Variants in INPP5A observed in about 807,000 individuals in gnomAD.
The protein encoded by INPP5A is inositol polyphosphate-5-phosphatase A, also known as 43 kDa inositol polyphosphate 5-phophatase.
In INPP5A, 14 loss-of-function variants were observed where a neutral mutation model predicts 65.2. That is an observed-to-expected ratio of 0.21 (90% CI 0.14 to 0.34). INPP5A has a LOEUF of 0.34. Ranked by LOEUF, INPP5A falls within the 10% of genes least tolerant of loss-of-function variation. The probability of loss-of-function intolerance (pLI) is 1.00; values close to 1 mark genes in which losing one functional copy is unlikely to be tolerated. For synonymous variants in INPP5A, 207 were observed against 208.3 expected, an observed-to-expected ratio of 0.99 and a Z score of 0.05; for missense variants, 431 against 545.6, an observed-to-expected ratio of 0.79 and a Z score of 2.09.
chr10:132,778,749 G>A (rs1847106327), intron 13 of INPP5A, among the ~76,000 whole-genome samples: 1 of 152,130 alleles, frequency 6.6e-6, no homozygotes, highest in African/African-American at 2.4e-5. Context: ...GCAGGGACAG[G>A]AGCCCCCTAC....
At position 132,608,292 on chromosome 10, in the gene INPP5A, G is replaced by A. The variant is rs113067974; in HGVS notation, c.117+336G>A. Among the ~76,000 whole-genome samples the A allele has an allele frequency of 3.9e-3, 590 of 152,348 alleles. 3 individuals are homozygous for A. The highest frequency in any genetic ancestry group is 0.014 in the African/African-American group (563 of 41,590). ...ATCCCCAGTGGGGCCGTGGAGAGCT[G>A]GCAGCGAGGCTGGGTGTGCTCCTCA... is the stretch of plus-strand genomic sequence containing the variant. On this transcript the variant is annotated intron_variant, in intron 2 of 15. Transcript: ENST00000368594.
intron 1 of INPP5A, among the ~76,000 whole-genome samples, chr10:132,566,646 A>ATGTATT (rs1191743151): frequency 5.9e-5 from 9 of 152,366 alleles, no homozygotes; most frequent in African/African-American, 2.2e-4. Flanking sequence ...GATGCTGAAA[A>ATGTATT]TGTATTTGTT....
At chr10:132,748,360 G>A (rs1337585026) in intron 9 of INPP5A, among the ~76,000 whole-genome samples, 1 of 152,208 alleles carries the variant, frequency 6.6e-6, no homozygotes, top group Non-Finnish European at 1.5e-5. Context: ...ATGAGCACGG[G>A]CCCTCGCTGT....
At chr10:132,682,668 A>G (rs1403706357) in intron 4 of INPP5A, among the ~76,000 whole-genome samples, 2 of 152,218 alleles carry the variant, frequency 1.3e-5, no homozygotes, top group Non-Finnish European at 2.9e-5. Flanking sequence ...CCATCTGTGT[A>G]TTATATACAT....
intron 1 of INPP5A, among the ~76,000 whole-genome samples, chr10:132,557,651 A>G (rs1380632034): frequency 6.6e-6 from 1 of 152,204 alleles, no homozygotes; most frequent in Non-Finnish European, 1.5e-5. Flanking sequence ...GATGTCTGTC[A>G]GACTTAGGGT....
At chr10:132,700,643 G>T (rs1016426790) in intron 6 of INPP5A, among the ~76,000 whole-genome samples, 2 of 152,284 alleles carry the variant, frequency 1.3e-5, no homozygotes, top group African/African-American at 4.8e-5. Context: ...CAGCCTGGCC[G>T]GGCCCGCCCC....
chr10:132,781,763 G>A (rs1829637581), intron 14 of INPP5A, 98 bp from the exon 15 acceptor site: 1 of 988,302 alleles, frequency 1.0e-6, no homozygotes, highest in Non-Finnish European at 1.6e-6. Flanking sequence ...TGGCTGCCCT[G>A]GTGAGACGCA....
At chr10:132,579,918 G>GTTT (rs35846779) in intron 1 of INPP5A, among the ~76,000 whole-genome samples, 22 of 141,730 alleles carry the variant, frequency 1.6e-4, no homozygotes, top group Non-Finnish European at 1.5e-4. Flanking sequence ...CTGTTTAAAA[G>GTTT]TTTTTTTTTT....
rs111584265 is a variant in INPP5A at position 132,727,007 on chromosome 10, C to T, written c.732+102C>T. On this transcript the variant is annotated intron_variant, in intron 9 of 15. Transcript: ENST00000368594. The surrounding 1 kb of genome is among the most constrained non-coding windows in gnomAD (Gnocchi z 6.5). ...CCTTACTGGCACTTTCAATGCCATC[C>T]GCCTCCCGGGATGCACTTTTTAAGG... 5,022 of 707,854 alleles carry T rather than the reference C, an allele frequency of 7.1e-3. 172 individuals are homozygous for T. In the African/African-American group the frequency reaches 0.078, roughly 11 times the overall value. The allele number at this position is 707,854 out of a possible 1,614,324, so 43.8% of individuals were successfully genotyped here.
At chr10:132,692,484 A>G (rs546257025) in intron 5 of INPP5A, among the ~76,000 whole-genome samples, 13 of 152,334 alleles carry the variant, frequency 8.5e-5, no homozygotes, top group African/African-American at 3.1e-4. Context: ...AGTCAACCCC[A>G]GGCCACCTTG....
chr10:132,661,659 T>G (rs1310199386), intron 4 of INPP5A, among the ~76,000 whole-genome samples: 1 of 150,774 alleles, frequency 6.6e-6, no homozygotes, highest in Admixed American at 6.6e-5. Flanking sequence ...TGAGCAGACT[T>G]TTTTTTTTGG....
At position 132,551,080 on chromosome 10, in the gene INPP5A, C is replaced by A. The variant is rs983969268; in HGVS notation, c.75+12909C>A. On this transcript the variant is annotated intron_variant, in intron 1 of 15. Coordinates refer to ENST00000368594, the MANE Select transcript of INPP5A (RefSeq NM_005539.5). The surrounding 1 kb of genome is among the most constrained non-coding windows in gnomAD (Gnocchi z 5.3). Reference sequence around the variant, plus strand: ...TGCTTGGTCCAGGTTCCTGCCTGAGCCCACTGAGCAGATGATGGGGATGAG... The same window carrying A: ...TGCTTGGTCCAGGTTCCTGCCTGAGACCACTGAGCAGATGATGGGGATGAG... Among the ~76,000 whole-genome samples the A allele has an allele frequency of 2.6e-5, 4 of 152,214 alleles. No homozygotes were observed. Among genetic ancestry groups the A allele is most frequent in the Non-Finnish European group, 4.4e-5 (3 of 68,042 alleles).
chr10:132,548,391 C>T (rs894174582), intron 1 of INPP5A, among the ~76,000 whole-genome samples: 12 of 152,250 alleles, frequency 7.9e-5, no homozygotes, highest in Non-Finnish European at 1.3e-4. Context: ...TGCCCGTTGC[C>T]GGTGGCCCGG....
chr10:132,624,964 C>A (rs1305792442), intron 2 of INPP5A, among the ~76,000 whole-genome samples: 4 of 152,150 alleles, frequency 2.6e-5, no homozygotes, highest in Admixed American at 2.0e-4. Context: ...TCAGAGGCTC[C>A]CTGGCATCTG....
In INPP5A at chr10:132,727,996, A is replaced by G. The variant is rs1011387656; in HGVS notation, c.732+1091A>G. Among the ~76,000 whole-genome samples, 2 of 152,190 alleles carry G rather than the reference A, an allele frequency of 1.3e-5. No homozygotes were observed. Among genetic ancestry groups the G allele is most frequent in the African/African-American group, 2.4e-5 (1 of 41,434 alleles). On this transcript the variant is annotated intron_variant, in intron 9 of 15. Coordinates refer to ENST00000368594, the MANE Select transcript of INPP5A (RefSeq NM_005539.5). The surrounding 1 kb of genome is among the most constrained non-coding windows in gnomAD (Gnocchi z 6.5). The stretch of plus-strand genomic sequence containing the variant: ...TGGCAGGACATTGTTTCTGAAAGAC[A>G]GACTGAGCTGGCTTTGATCATCCTG...
intron 9 of INPP5A, among the ~76,000 whole-genome samples, chr10:132,736,188 A>G (rs12259699): frequency 0.21 from 32,554 of 152,234 alleles, 3,652 homozygotes; most frequent in Non-Finnish European, 0.25. Flanking sequence ...CTGCGGCTCC[A>G]GCTGCTGCTG....
intron 2 of INPP5A, among the ~76,000 whole-genome samples, chr10:132,624,043 A>G (rs555250949): frequency 1.3e-5 from 2 of 152,316 alleles, no homozygotes; most frequent in African/African-American, 2.4e-5. Context: ...ACGCAGGGCC[A>G]CCGGAAGTCC....
intron 2 of INPP5A, among the ~76,000 whole-genome samples, chr10:132,643,821 G>C (rs180965643): frequency 6.6e-6 from 1 of 152,106 alleles, no homozygotes. Flanking sequence ...GGGTCCTGGC[G>C]CCCTGTGAGT....
chr10:132,713,146 A>ATG (rs1051234473), intron 8 of INPP5A, among the ~76,000 whole-genome samples: 4 of 148,490 alleles, frequency 2.7e-5, no homozygotes. Context: ...TGTGGAGTGC[A>ATG]TGTGTATGTG....
Sources: allele counts gnomAD v4.1 joint callset (sites outside exome capture counted in the v4.1 genomes callset), GRCh38; gene constraint gnomAD v4.1.1; non-coding constraint Gnocchi (gnomAD v3.1); transcripts MANE v1.5; gene names NCBI Gene and HGNC (gene_info 2026-07-23, HGNC 2026-07-21).